Variants in STAG1 observed in about 807,000 individuals in gnomAD.
STAG1 encodes the protein STAG1 cohesin complex component.
STAG1 carries 26 observed loss-of-function variants against 170.9 expected under a neutral mutation model. The observed-to-expected ratio is 0.15, with a 90% CI of 0.11 to 0.21. The LOEUF (loss-of-function observed/expected upper bound fraction) is 0.21. STAG1 is among the 10% of genes least tolerant of loss of function. The pLI is 1.00. For synonymous variants in STAG1, 514 were observed against 497.7 expected (o/e 1.03, Z -0.44); for missense variants, 964 against 1,509.5 (o/e 0.64, Z 5.99).
At chr3:136,362,271 T>G (rs1421819734) in intron 26 of STAG1, among the ~76,000 whole-genome samples, 1 of 152,028 alleles carries the variant, frequency 6.6e-6, no homozygotes, top group Non-Finnish European at 1.5e-5. Flanking sequence ...ATGCCTCTTC[T>G]CATGTTTACT....
At chr3:136,397,524 T>G (rs2087202055) in intron 22 of STAG1, among the ~76,000 whole-genome samples, 2 of 152,190 alleles carry the variant, frequency 1.3e-5, no homozygotes, top group South Asian at 4.1e-4. Flanking sequence ...TCATAAACTT[T>G]CATGGGAGAT....
At chr3:136,673,325 T>C (rs948257688) in intron 1 of STAG1, among the ~76,000 whole-genome samples, 7 of 152,192 alleles carry the variant, frequency 4.6e-5, no homozygotes, top group African/African-American at 1.7e-4. Context: ...TAGTTATAGT[T>C]TGTACCTTAA....
rs1335180026 is a variant in STAG1 at position 136,665,779 on chromosome 3, CA to C, written c.-83-34799del. ...TGGGCAACAGAGCAAGATTCCGTCT[CA>C]AAAAAAAAAAAAAGGCCAGGTACAG... On this transcript the variant is annotated intron_variant, in intron 1 of 33. Coordinates refer to ENST00000383202, the MANE Select transcript of STAG1 (RefSeq NM_005862.3). 2.5e-3 allele frequency among the ~76,000 whole-genome samples: 197 copies of C among 80,278 alleles called. 1 individual carries two copies. In the South Asian group the frequency reaches 0.03, roughly 12 times the overall value. The allele number at this position is 80,278 out of a possible 152,430, so 52.7% of individuals were successfully genotyped here.
chr3:136,374,853 T>TA (rs1276375713), intron 23 of STAG1, among the ~76,000 whole-genome samples: 1 of 152,284 alleles, frequency 6.6e-6, no homozygotes, highest in African/African-American at 2.4e-5. Flanking sequence ...TAGGCCTTCC[T>TA]ATTCACTCAC....
At chr3:136,512,806 A>G (rs1376919279) in intron 7 of STAG1, among the ~76,000 whole-genome samples, 4 of 152,166 alleles carry the variant, frequency 2.6e-5, no homozygotes, top group Middle Eastern at 3.4e-3. Flanking sequence ...AGCCAGAGTC[A>G]ATGTCCCATC....
chr3:136,385,402 T>A (rs944881164), intron 22 of STAG1, among the ~76,000 whole-genome samples: 1 of 152,176 alleles, frequency 6.6e-6, no homozygotes, highest in Admixed American at 6.5e-5. Context: ...ACCGTGCCAC[T>A]GCACTCTGGC....
chr3:136,398,846 A>G lies in STAG1; in HGVS notation c.2197-17T>C, dbSNP rs760066235. Reference sequence around the variant, plus strand: ...CACGACTATCTGTATCAAATGAAAAAAAATTTTTTTAATGAAAAATTCAAA... The same window carrying G: ...CACGACTATCTGTATCAAATGAAAAGAAATTTTTTTAATGAAAAATTCAAA... On this transcript the variant is annotated splice_polypyrimidine_tract_variant and intron_variant, in intron 21 of 33. Transcript: ENST00000383202. 7.2e-6 allele frequency: 11 copies of G among 1,523,720 alleles called. No homozygotes were observed. The East Asian group carries it at 1.7e-4, about 24-fold the overall frequency. The allele number at this position is 1,523,720 out of a possible 1,614,324, so 94.4% of individuals were successfully genotyped here.
At chr3:136,661,255 T>C (rs946745805) in intron 1 of STAG1, among the ~76,000 whole-genome samples, 3 of 152,178 alleles carry the variant, frequency 2.0e-5, no homozygotes, top group Non-Finnish European at 4.4e-5. Context: ...TGGTAGAAAA[T>C]ATAGTACATT....
At chr3:136,514,550 T>A (rs961095548) in intron 7 of STAG1, among the ~76,000 whole-genome samples, 1 of 152,162 alleles carries the variant, frequency 6.6e-6, no homozygotes, top group Non-Finnish European at 1.5e-5. Context: ...GACCCAGCGA[T>A]CCCATTACTG....
intron 23 of STAG1, among the ~76,000 whole-genome samples, chr3:136,376,739 AG>A (rs1418734135): frequency 6.6e-6 from 1 of 152,092 alleles, no homozygotes; most frequent in African/African-American, 2.4e-5. Flanking sequence ...AGATGATAAA[AG>A]GGTATGTCAT....
chr3:136,668,870 C>G (rs1941896309), intron 1 of STAG1, among the ~76,000 whole-genome samples: 2 of 152,156 alleles, frequency 1.3e-5, no homozygotes, highest in Non-Finnish European at 2.9e-5. Flanking sequence ...CAAAACACTT[C>G]CAGAACTATC....
At chr3:136,749,064 A>C (rs1354557441) in intron 1 of STAG1, among the ~76,000 whole-genome samples, 1 of 152,198 alleles carries the variant, frequency 6.6e-6, no homozygotes, top group Non-Finnish European at 1.5e-5. Flanking sequence ...AAAAGCCTCC[A>C]CTAACCCACA....
chr3:136,626,424 CAA>C lies in STAG1; in HGVS notation c.30-3178_30-3177del, dbSNP rs755048196. On this transcript the variant is annotated intron_variant, in intron 2 of 33. Coordinates refer to ENST00000383202, the MANE Select transcript of STAG1 (RefSeq NM_005862.3). Reference sequence around the variant, plus strand: ...TGAGCAACAGAGTGAGACTACATCTCAAAAAAAAAAAAAAACCAAAAAAACAA... The same window carrying C: ...TGAGCAACAGAGTGAGACTACATCTCAAAAAAAAAAAAACCAAAAAAACAA... 1.1e-3 allele frequency among the ~76,000 whole-genome samples: 85 copies of C among 77,438 alleles called. 1 individual carries two copies. Among genetic ancestry groups the C allele is most frequent in the African/African-American group, 4.0e-3 (80 of 20,132 alleles). The allele number at this position is 77,438 out of a possible 152,430, so 50.8% of individuals were successfully genotyped here. A position where few individuals can be genotyped will look rare whatever the true frequency, so the allele number is the denominator to read the frequency against.
At chr3:136,517,307 A>G (rs2107897745) in intron 7 of STAG1, among the ~76,000 whole-genome samples, 1 of 152,230 alleles carries the variant, frequency 6.6e-6, no homozygotes, top group South Asian at 2.1e-4. Flanking sequence ...TTGTATTTTA[A>G]CTCCCTTTTG....
At chr3:136,491,473 T>C (rs1004276890) in intron 9 of STAG1, among the ~76,000 whole-genome samples, 1 of 152,238 alleles carries the variant, frequency 6.6e-6, no homozygotes, top group Non-Finnish European at 1.5e-5. Flanking sequence ...GTTCATTAAA[T>C]ATGAATTTGT....
chr3:136,462,479 T>TA (rs1038279826), intron 13 of STAG1, among the ~76,000 whole-genome samples: 20 of 151,696 alleles, frequency 1.3e-4, no homozygotes, highest in African/African-American at 4.1e-4. Flanking sequence ...ATGTGGGAGC[T>TA]AAAAAAAAGA....
At chr3:136,625,478 G>T (rs977712600) in intron 2 of STAG1, among the ~76,000 whole-genome samples, 2 of 152,208 alleles carry the variant, frequency 1.3e-5, no homozygotes, top group Admixed American at 6.5e-5. Context: ...ATCTAAAATT[G>T]AATCCAATCC....
chr3:136,445,017 C>T (rs560787242), intron 14 of STAG1, among the ~76,000 whole-genome samples: 95 of 148,994 alleles, frequency 6.4e-4, no homozygotes, highest in African/African-American at 2.2e-3. Flanking sequence ...TGTGCTACCC[C>T]GCCTGGCTTT....
rs569136819 is a variant in STAG1, at chr3:136,337,075, A to AAAG, written c.*1176_*1178dup. ...TGAAGATTCATAATTTCTTTCCCCA[A>AAAG]AAGAATTATTCTTAATATGCACATT... On this transcript the variant is annotated 3_prime_UTR_variant, in exon 34 of 34. Coordinates refer to ENST00000383202, the MANE Select transcript of STAG1 (RefSeq NM_005862.3). The AAAG allele has an allele frequency of 9.2e-5, 14 of 152,660 alleles. No homozygotes were observed. Among genetic ancestry groups the AAAG allele is most frequent in the Admixed American group, 6.5e-5 (1 of 15,290 alleles). 9.5% of individuals were successfully genotyped at this position (152,660 alleles called of 1,614,324 possible). A position where few individuals can be genotyped will look rare whatever the true frequency, so the allele number is the denominator to read the frequency against.
Sources: allele counts gnomAD v4.1 joint callset (sites outside exome capture counted in the v4.1 genomes callset), GRCh38; gene constraint gnomAD v4.1.1; transcripts MANE v1.5; gene names NCBI Gene and HGNC (gene_info 2026-07-23, HGNC 2026-07-21).